The following GRK5 variants were observed in gnomAD, a reference collection of about 807,000 sequenced individuals.
The protein encoded by GRK5 is g protein-coupled receptor kinase GRK5.
In GRK5, 40 loss-of-function variants were observed where a neutral mutation model predicts 78.4. The observed-to-expected ratio is 0.51, with a 90% CI of 0.40 to 0.66. The LOEUF is 0.66. Among genes scored for constraint, GRK5 ranks in the 30% least tolerant of loss-of-function variants. GRK5 has a pLI of 0.00. For synonymous variants in GRK5, 289 were observed against 296.8 expected, an observed-to-expected ratio of 0.97 and a Z score of 0.27; for missense variants, 598 against 759.9, an observed-to-expected ratio of 0.79 and a Z score of 2.50.
At chr10:119,395,391 CTA>C (rs1277764481) in intron 3 of GRK5, among the ~76,000 whole-genome samples, 1 of 152,154 alleles carries the variant, frequency 6.6e-6, no homozygotes, top group Non-Finnish European at 1.5e-5. Context: ...GAATCGGACC[CTA>C]GACACTGAGG....
In GRK5 at chr10:119,439,758, A is replaced by G. The variant is rs377042285; in HGVS notation, c.957A>G (p.Leu319=). Residue 319 remains leucine, a synonymous_variant, in exon 10 of 16, where the codon TTA becomes TTG. Transcript: ENST00000392870. ...YRDLKPENIL[L]DDYGHIRISD... ...ATCTGAAACCTGAAAACATCCTGTT[A>G]GATGATTATGGTAAGTCTTTTCCTA... 6.2e-7 allele frequency: 1 copy of G among 1,613,848 alleles called. No individual in the cohort carries two copies. The highest frequency in any genetic ancestry group is 8.5e-7 in the Non-Finnish European group (1 of 1,179,932).
At chr10:119,255,717 C>T (rs1849272587) in intron 1 of GRK5, among the ~76,000 whole-genome samples, 1 of 152,224 alleles carries the variant, frequency 6.6e-6, no homozygotes, top group Non-Finnish European at 1.5e-5. Flanking sequence ...TGCCCATTCT[C>T]CCAGACACGG....
At chr10:119,260,515 C>G (rs1421727542) in intron 1 of GRK5, among the ~76,000 whole-genome samples, 1 of 150,176 alleles carries the variant, frequency 6.7e-6, no homozygotes, top group East Asian at 2.0e-4. Context: ...AACAAGTGAA[C>G]AAAGGTCTCT....
At chr10:119,433,337 C>A (rs575450650) in intron 8 of GRK5, among the ~76,000 whole-genome samples, 4 of 152,228 alleles carry the variant, frequency 2.6e-5, no homozygotes, top group Non-Finnish European at 4.4e-5. Context: ...GCCTATGGAG[C>A]CTTGTCTCTG....
intron 2 of GRK5, among the ~76,000 whole-genome samples, chr10:119,358,887 T>C (rs950509261): frequency 6.6e-6 from 1 of 152,210 alleles, no homozygotes; most frequent in Non-Finnish European, 1.5e-5. Context: ...CTTCCTGTTA[T>C]GTCCTTGCCC....
intron 1 of GRK5, among the ~76,000 whole-genome samples, chr10:119,283,547 C>T (rs781593443): frequency 2.6e-5 from 4 of 152,256 alleles, no homozygotes; most frequent in Non-Finnish European, 5.9e-5. Flanking sequence ...CGTGCCCGGG[C>T]TCTGTATTCC....
At position 119,311,914 on chromosome 10, in the gene GRK5, A is replaced by ACTTTTTTTTTTTTTTTT. The variant is rs34048341; in HGVS notation, c.53-14602_53-14601insCTTTTTTTTTTTTTTTT. On this transcript the variant is annotated intron_variant, in intron 1 of 15. Transcript: ENST00000392870. ...TGTACTGAATGCTACTGAATTGTTCATTTTTTTTTTTTTTTTTTTGAGACG... is the reference window on the plus strand; with the variant it reads ...TGTACTGAATGCTACTGAATTGTTCACTTTTTTTTTTTTTTTTTTTTTTTTTTTTTTTTTTTGAGACG... Among the ~76,000 whole-genome samples, 2 of 137,814 alleles carry ACTTTTTTTTTTTTTTTT rather than the reference A, an allele frequency of 1.5e-5. 1 individual carries two copies. 90.4% of individuals were successfully genotyped at this position (137,814 alleles called of 152,430 possible). A position where few individuals can be genotyped will look rare whatever the true frequency, so the allele number is the denominator to read the frequency against.
intron 1 of GRK5, among the ~76,000 whole-genome samples, chr10:119,250,312 G>A (rs766818681): frequency 1.3e-5 from 2 of 152,114 alleles, no homozygotes; most frequent in Non-Finnish European, 2.9e-5. Flanking sequence ...AGTTGTGGGG[G>A]CCTTCATACA....
At chr10:119,323,515 G>A (rs984422901) in intron 1 of GRK5, among the ~76,000 whole-genome samples, 9 of 152,088 alleles carry the variant, frequency 5.9e-5, no homozygotes, top group Middle Eastern at 3.2e-3. Flanking sequence ...CTATCTGGGC[G>A]TGCACAGAAG....
At position 119,275,587 on chromosome 10, in the gene GRK5, G is replaced by GCTCTCTCTCTCT. The variant is rs143881383; in HGVS notation, c.53-50915_53-50904dup. Among the ~76,000 whole-genome samples the GCTCTCTCTCTCT allele has an allele frequency of 4.1e-4, 54 of 130,626 alleles. 1 individual carries two copies. Among genetic ancestry groups the GCTCTCTCTCTCT allele is most frequent in the African/African-American group, 1.4e-3 (49 of 36,164 alleles). 85.7% of individuals were successfully genotyped at this position (130,626 alleles called of 152,430 possible). ...CTAAGGCATGCTTGTGCGTGTGCAC[G>GCTCTCTCTCTCT]CTCTCTCTCTCTCTCTCTCTCTCTC... On this transcript the variant is annotated intron_variant, in intron 1 of 15. Coordinates refer to ENST00000392870, the MANE Select transcript of GRK5 (RefSeq NM_005308.3).
chr10:119,207,731 CGG>C lies in GRK5; in HGVS notation c.-186_-185del. ...GCGGCGGCGGCGGCGGCGGCGGCGG[CGG>C]CTCCTCTTTGCAGAGGGGGAAACTC... On this transcript the variant is annotated 5_prime_UTR_variant, in exon 1 of 16. Coordinates refer to ENST00000392870, the MANE Select transcript of GRK5 (RefSeq NM_005308.3). 1.8e-6 allele frequency: 1 copy of C among 551,864 alleles called. No individual in the cohort carries two copies. Among genetic ancestry groups the C allele is most frequent in the Non-Finnish European group, 3.1e-6 (1 of 326,170 alleles). The allele number at this position is 551,864 out of a possible 1,614,324, so 34.2% of individuals were successfully genotyped here.
At chr10:119,381,049 A>T in intron 3 of GRK5, 122 bp downstream of exon 3, 2 of 602,702 alleles carry the variant, frequency 3.3e-6, no homozygotes, top group Non-Finnish European at 5.9e-6. Context: ...TGCTTACAAA[A>T]CTCCCACTAC....
intron 1 of GRK5, among the ~76,000 whole-genome samples, chr10:119,252,475 G>A (rs150959474): frequency 3.6e-4 from 55 of 152,264 alleles, no homozygotes; most frequent in African/African-American, 1.3e-3. Context: ...TGAGCTGGGT[G>A]CAGAGGGCTA....
chr10:119,406,417 C>T (rs770523121), intron 4 of GRK5: 1 of 981,108 alleles, frequency 1.0e-6, no homozygotes, highest in Non-Finnish European at 1.2e-6. Context: ...CCAACCAATT[C>T]ATGATCTCCA....
intron 8 of GRK5, among the ~76,000 whole-genome samples, chr10:119,434,608 C>T (rs551648465): frequency 3.5e-4 from 54 of 152,372 alleles, no homozygotes; most frequent in African/African-American, 9.9e-4. Context: ...TGGGTTCCCA[C>T]GGTCTTGGGC....
chr10:119,230,883 G>A (rs1332165839), intron 1 of GRK5, among the ~76,000 whole-genome samples: 1 of 150,620 alleles, frequency 6.6e-6, no homozygotes, highest in Non-Finnish European at 1.5e-5. Context: ...AGCAGAGGAG[G>A]CTCAAAAACT....
chr10:119,246,641 G>A (rs1183618222), intron 1 of GRK5, among the ~76,000 whole-genome samples: 1 of 152,232 alleles, frequency 6.6e-6, no homozygotes. Flanking sequence ...CATTCAAGAA[G>A]TGGTGTCTGG....
At position 119,228,353 on chromosome 10, in the gene GRK5, C is replaced by A. The variant is rs544158919; in HGVS notation, c.52+20384C>A. ...AAGTGATACCCTGTCTCAAAAAAAA[C>A]AAAACAAAACAAAAAACCAACCCGC... On this transcript the variant is annotated intron_variant, in intron 1 of 15. Transcript: ENST00000392870. 2.9e-3 allele frequency among the ~76,000 whole-genome samples: 415 copies of A among 143,078 alleles called. 5 individuals carry two copies. The highest frequency in any genetic ancestry group is 0.01 in the African/African-American group (398 of 38,556). The allele number at this position is 143,078 out of a possible 152,430, so 93.9% of individuals were successfully genotyped here. A position where few individuals can be genotyped will look rare whatever the true frequency, so the allele number is the denominator to read the frequency against.
Position 119,326,574 on chromosome 10 carries a change from T to C in GRK5, c.111T>C (p.Pro37=). ...AGTGGAAAGAAATCCTGAAGTTCCC[T>C]CACATTAGCCAGTGTGAAGACCTCC... The part of the protein sequence containing the change: ...SKKWKEILKF[P]HISQCEDLRR... The change falls in exon 2 of 16, where the codon CCT becomes CCC. Residue 37 remains proline (P), a synonymous_variant. Transcript: ENST00000392870. 1 of 1,614,162 alleles carries C rather than the reference T, an allele frequency of 6.2e-7. No individual in the cohort carries two copies. The highest frequency in any genetic ancestry group is 8.5e-7 in the Non-Finnish European group (1 of 1,179,990).
Sources: gnomAD v4.1 joint callset for allele counts (sites outside exome capture counted in the v4.1 genomes callset) on GRCh38, gnomAD v4.1.1 for gene constraint, MANE v1.5 for transcripts, NCBI Gene and HGNC (gene_info 2026-07-23, HGNC 2026-07-21) for gene names.